The following DDX31 variants were observed in gnomAD, a reference collection of about 807,000 sequenced individuals.
The protein encoded by DDX31 is ATP-dependent DNA helicase DDX31.
A neutral mutation model predicts 91.3 loss-of-function variants in DDX31; 70 were observed. That is an observed-to-expected ratio of 0.77 (90% CI 0.63 to 0.94). The LOEUF is 0.94. DDX31 is among the 40% of genes least tolerant of loss of function. The probability of loss-of-function intolerance (pLI) is 0.00; values close to 1 mark genes in which losing one functional copy is unlikely to be tolerated. For synonymous variants in DDX31, 362 were observed against 350.6 expected, an observed-to-expected ratio of 1.03 and a Z score of -0.36; for missense variants, 902 against 925.0, an observed-to-expected ratio of 0.98 and a Z score of 0.32.
chr9:132,609,867 G>A (rs1351252501), intron 19 of DDX31, among the ~76,000 whole-genome samples: 13 of 152,080 alleles, frequency 8.5e-5, no homozygotes, highest in African/African-American at 1.4e-4. Flanking sequence ...TGATCCACCC[G>A]CCTCGGCCTC....
intron 19 of DDX31, among the ~76,000 whole-genome samples, chr9:132,608,469 T>C (rs2119262489): frequency 6.6e-6 from 1 of 152,222 alleles, no homozygotes; most frequent in South Asian, 2.1e-4. Context: ...GAAGGGTCCC[T>C]CTCCCATCGC....
chr9:132,597,084 G>A (rs2119170343), intron 19 of DDX31, among the ~76,000 whole-genome samples: 1 of 152,284 alleles, frequency 6.6e-6, no homozygotes, highest in East Asian at 1.9e-4. Flanking sequence ...GGAAACTGAG[G>A]TCTGGAGATG....
chr9:132,661,021 A>G, intron 4 of DDX31, 187 bp downstream of exon 4: 1 of 611,544 alleles, frequency 1.6e-6, no homozygotes, highest in South Asian at 2.0e-5. Flanking sequence ...CTGGATGGAA[A>G]GCCAGTCTTT....
intron 17 of DDX31, among the ~76,000 whole-genome samples, chr9:132,624,410 C>T (rs929897076): frequency 5.9e-5 from 9 of 152,150 alleles, no homozygotes; most frequent in African/African-American, 2.2e-4. Context: ...TTATTGTTCA[C>T]AGGGATCTTT....
At chr9:132,603,121 C>T (rs943412807) in intron 19 of DDX31, among the ~76,000 whole-genome samples, 6 of 152,184 alleles carry the variant, frequency 3.9e-5, no homozygotes, top group Non-Finnish European at 7.3e-5. Flanking sequence ...GGACTCAGCT[C>T]AGCAGAGAAC....
At chr9:132,658,540 T>G in intron 6 of DDX31, 131 bp downstream of exon 6, 2 of 792,266 alleles carry the variant, frequency 2.5e-6, no homozygotes, top group Non-Finnish European at 4.2e-6. Flanking sequence ...ATGCAATAAA[T>G]AAATTAAAAG....
Position 132,663,156 on chromosome 9 carries a change from C to T in DDX31, c.76-461G>A, listed in dbSNP as rs1381248834. 8 of 1,287,688 alleles carry T rather than the reference C, an allele frequency of 6.2e-6. No individual in the cohort carries two copies. The Admixed American group carries it at 1.1e-4, about 18-fold the overall frequency. The allele number at this position is 1,287,688 out of a possible 1,614,324, so 79.8% of individuals were successfully genotyped here. ...CCAACAAAGCACACTGGAGACCGCA[C>T]AGGAGAGAGGGGCGAGGGGGAATGC... On this transcript the variant is annotated intron_variant, in intron 1 of 19. Coordinates refer to ENST00000372159, the MANE Select transcript of DDX31 (RefSeq NM_022779.9).
chr9:132,627,535 C>G (rs1041020553), intron 16 of DDX31, among the ~76,000 whole-genome samples: 57 of 152,190 alleles, frequency 3.7e-4, no homozygotes, highest in African/African-American at 1.3e-3. Flanking sequence ...TATGCCTGAT[C>G]TAAGAAATAC....
chr9:132,646,848 G>C lies in DDX31; in HGVS notation c.1178C>G (p.Ala393Gly). The C allele has an allele frequency of 6.2e-7, 1 of 1,613,990 alleles. No individual in the cohort carries two copies. Among genetic ancestry groups the C allele is most frequent in the South Asian group, 1.1e-5 (1 of 91,070 alleles). ...VPSKLRLVCLAAFILQKCKFE... is the reference protein window; with the variant it reads ...VPSKLRLVCLGAFILQKCKFE... ...CTTGCATTTCTGAAGGATGAAGGCC[G>C]CTAGGCAGACAAGCCTCAGTTTGCT... Residue 393 changes from alanine to glycine, a missense_variant, in exon 12 of 20, where the codon GCG becomes GGG. Ala to Gly is a moderately conservative substitution (Grantham distance 60, BLOSUM62 0). Transcript: ENST00000372159.
chr9:132,600,321 T>C (rs983902957), intron 19 of DDX31, among the ~76,000 whole-genome samples: 2 of 152,226 alleles, frequency 1.3e-5, no homozygotes, highest in Non-Finnish European at 2.9e-5. Context: ...TTTGTAAAAC[T>C]ACCAGAGCCC....
Position 132,598,452 on chromosome 9 carries a change from G to A in DDX31, c.1995-3340C>T, listed in dbSNP as rs1478415911. ...AACAGATCAGTTTATCTAACCACAG[G>A]GAACTCCCTTGTAGTGAAGGCTGAA... On this transcript the variant is annotated intron_variant, in intron 19 of 19. Coordinates refer to ENST00000372159, the MANE Select transcript of DDX31 (RefSeq NM_022779.9). Among the ~76,000 whole-genome samples the A allele has an allele frequency of 2.6e-5, 4 of 152,222 alleles. No individual in the cohort carries two copies. In the East Asian group the frequency reaches 7.7e-4, roughly 29 times the overall value.
intron 19 of DDX31, among the ~76,000 whole-genome samples, chr9:132,605,495 C>G (rs188675468): frequency 1.3e-5 from 2 of 152,144 alleles, no homozygotes; most frequent in African/African-American, 2.4e-5. Flanking sequence ...TTGTGGTCCC[C>G]AAGCATTCTG....
chr9:132,640,166 C>T (rs1181709700), intron 14 of DDX31, among the ~76,000 whole-genome samples: 2 of 152,170 alleles, frequency 1.3e-5, no homozygotes, highest in Non-Finnish European at 2.9e-5. Flanking sequence ...GTGGGATGAT[C>T]ATTACAGTGA....
chr9:132,648,063 G>T, intron 11 of DDX31, 126 bp downstream of exon 11: 1 of 708,518 alleles, frequency 1.4e-6, no homozygotes, highest in Non-Finnish European at 2.3e-6. Context: ...GTCTTCTAAG[G>T]ACAGCTCTCT....
rs1834999858 is a variant in DDX31, at chr9:132,662,158, AAC to A, written c.408+101_408+102del. 4 of 1,150,842 alleles carry A rather than the reference AAC, an allele frequency of 3.5e-6. No homozygotes were observed. In the Admixed American group the frequency reaches 8.4e-5, roughly 24 times the overall value. The allele number at this position is 1,150,842 out of a possible 1,614,324, so 71.3% of individuals were successfully genotyped here. On this transcript the variant is annotated intron_variant, in intron 3 of 19. Coordinates refer to ENST00000372159, the MANE Select transcript of DDX31 (RefSeq NM_022779.9). ...ATTCAGGTAACTTAGAGCAGAAACA[AAC>A]ACTCTCTGATCTCTCCTCCTAGAGC...
Position 132,612,190 on chromosome 9 carries a change from G to A in DDX31, c.1891C>T (p.Arg631Ter), listed in dbSNP as rs1454436842. ...GCCACATGCCCAAGGTGGAGGGATC[G>A]GACGTGGAAGATGTGCTTCAGCTCC... is the stretch of plus-strand genomic sequence containing the variant. ...PRELKHIFHV[R>*]SLHLGHVAKS... The change falls in exon 19 of 20, where the codon CGA (arginine) becomes TGA (stop). Residue 631 changes from arginine to a stop codon, truncating the protein, a stop_gained. Transcript: ENST00000372159. LOFTEE classifies it high-confidence loss of function. 4 of 1,614,188 alleles carry A rather than the reference G, an allele frequency of 2.5e-6. No individual in the cohort carries two copies. The highest frequency in any genetic ancestry group is 1.1e-5 in the South Asian group (1 of 91,082).
rs771141531 is a variant in DDX31 at position 132,645,895 on chromosome 9, C to T, written c.1380G>A (p.Glu460=). ...FLRLHGGMEQ[E]ERTAVFQEFS... is the part of the protein sequence containing the mutation. ...GCTGCACAGGGAGATCAGTGCTCACCTCCTGCTCCATGCCGCCATGCAGCC... is the reference window on the plus strand; with the variant it reads ...GCTGCACAGGGAGATCAGTGCTCACTTCCTGCTCCATGCCGCCATGCAGCC... The change falls in exon 13 of 20, where the codon GAG becomes GAA. Residue 460 remains glutamate, a splice_region_variant and synonymous_variant. Coordinates refer to ENST00000372159, the MANE Select transcript of DDX31 (RefSeq NM_022779.9). The T allele has an allele frequency of 1.2e-6, 2 of 1,611,956 alleles. No individual in the cohort carries two copies. Among genetic ancestry groups the T allele is most frequent in the Non-Finnish European group, 1.7e-6 (2 of 1,179,086 alleles).
intron 19 of DDX31, among the ~76,000 whole-genome samples, chr9:132,603,903 G>A (rs968604077): frequency 2.6e-5 from 4 of 152,152 alleles, no homozygotes; most frequent in African/African-American, 9.7e-5. Flanking sequence ...AGCAGGGTGG[G>A]GAGGAGGGTG....
At chr9:132,661,703 C>A (rs887748111) in intron 3 of DDX31, among the ~76,000 whole-genome samples, 2 of 152,104 alleles carry the variant, frequency 1.3e-5, no homozygotes, top group Non-Finnish European at 2.9e-5. Context: ...ACCAAGCCTG[C>A]CTAAAAGTTA....
Sources: allele counts gnomAD v4.1 joint callset (sites outside exome capture counted in the v4.1 genomes callset), GRCh38; gene constraint gnomAD v4.1.1; transcripts MANE v1.5; gene names NCBI Gene and HGNC (gene_info 2026-07-23, HGNC 2026-07-21).